Variants in AMOTL1 observed in about 807,000 individuals in gnomAD.
AMOTL1 encodes angiomotin like 1, also known as angiomotin-like protein 1.
AMOTL1 carries 45 observed loss-of-function variants against 102.9 expected under a neutral mutation model. The observed-to-expected ratio is 0.44, with a 90% CI of 0.34 to 0.56. The LOEUF (loss-of-function observed/expected upper bound fraction) is 0.56, where lower values mean the gene tolerates loss of function less well. AMOTL1 is among the 20% of genes least tolerant of loss of function. AMOTL1 has a pLI of 0.01. For synonymous variants in AMOTL1, 481 were observed against 484.7 expected, an observed-to-expected ratio of 0.99 and a Z score of 0.10; for missense variants, 1,114 against 1,225.6, an observed-to-expected ratio of 0.91 and a Z score of 1.36.
At chr11:94,857,007 G>A (rs1005488251) in intron 8 of AMOTL1, among the ~76,000 whole-genome samples, 1 of 152,158 alleles carries the variant, frequency 6.6e-6, no homozygotes, top group African/African-American at 2.4e-5. Flanking sequence ...CTGGTACGCT[G>A]AGGATGAGCA....
chr11:94,745,429 G>C (rs1012244045), intron 3 of AMOTL1, among the ~76,000 whole-genome samples: 2 of 151,864 alleles, frequency 1.3e-5, no homozygotes, highest in Non-Finnish European at 2.9e-5. Context: ...ATGGTTAAAA[G>C]GTATTTATTA....
In AMOTL1 at chr11:94,822,215, A is replaced by G. The variant is rs549567460; in HGVS notation, c.1413+394A>G. On this transcript the variant is annotated intron_variant, in intron 4 of 12. Transcript: ENST00000433060. Reference sequence around the variant, plus strand: ...ATAATCCCAGCACTTTGTGAGGCTGAGGCAGGTGGATCGCTTGAGCCTGGG... The same window carrying G: ...ATAATCCCAGCACTTTGTGAGGCTGGGGCAGGTGGATCGCTTGAGCCTGGG... Among the ~76,000 whole-genome samples, 183 of 152,284 alleles carry G rather than the reference A, an allele frequency of 1.2e-3. 1 individual carries two copies. Among genetic ancestry groups the G allele is most frequent in the African/African-American group, 4.2e-3 (175 of 41,578 alleles).
rs12287860 is a variant in AMOTL1, at chr11:94,710,990, C to T, written c.-51+4393C>T. On this transcript the variant is annotated intron_variant, in intron 1 of 4. Coordinates refer to the AMOTL1 transcript ENST00000299004. ...AGAAACTGAAGTTAGATGACTTCTA[C>T]GGGGATCCAAAGCCCAAGGTACTCC... 2.4e-3 allele frequency among the ~76,000 whole-genome samples: 368 copies of T among 152,234 alleles called. 1 individual carries two copies. The highest frequency in any genetic ancestry group is 8.3e-3 in the African/African-American group (346 of 41,534).
intron 3 of AMOTL1, among the ~76,000 whole-genome samples, chr11:94,817,837 A>G (rs901754374): frequency 6.6e-6 from 1 of 152,232 alleles, no homozygotes; most frequent in East Asian, 1.9e-4. Context: ...CGAGCAGAAC[A>G]TGACTTAATT....
rs181279155 is a variant in AMOTL1, at chr11:94,741,194, A to G, written c.136+206A>G. Among the ~76,000 whole-genome samples the G allele has an allele frequency of 2.3e-3, 350 of 151,808 alleles. 4 individuals carry two copies. The highest frequency in any genetic ancestry group is 8.2e-3 in the African/African-American group (339 of 41,384). Reference sequence around the variant, plus strand: ...TTCGGGGGTGGCAGGGCAAGTGTCCAATGAGCCGTGCGTGTGTGTGTGTGT... The same window carrying G: ...TTCGGGGGTGGCAGGGCAAGTGTCCGATGAGCCGTGCGTGTGTGTGTGTGT... On this transcript the variant is annotated intron_variant, in intron 3 of 4. Transcript: ENST00000299004.
At chr11:94,844,968 A>C (rs1197053643) in intron 6 of AMOTL1, among the ~76,000 whole-genome samples, 1 of 152,180 alleles carries the variant, frequency 6.6e-6, no homozygotes, top group Non-Finnish European at 1.5e-5. Context: ...AAGCCCTAGA[A>C]ATTAATTCCT....
At chr11:94,868,467 C>G (rs1161421919) in intron 11 of AMOTL1, among the ~76,000 whole-genome samples, 1 of 152,172 alleles carries the variant, frequency 6.6e-6, no homozygotes, top group African/African-American at 2.4e-5. Context: ...AGCATCCCCT[C>G]TTCCCCACCC....
At chr11:94,780,006 T>C (rs1951085645) in intron 1 of AMOTL1, among the ~76,000 whole-genome samples, 1 of 152,228 alleles carries the variant, frequency 6.6e-6, no homozygotes, top group Non-Finnish European at 1.5e-5. Flanking sequence ...GTTTTTCCTA[T>C]GTTGTCAGTG....
intron 2 of AMOTL1, among the ~76,000 whole-genome samples, chr11:94,729,990 T>G (rs2851584): frequency 0.86 from 130,647 of 152,038 alleles, 56,767 homozygotes; most frequent in Middle Eastern, 0.93. Context: ...CAAGACTGCT[T>G]CACACAATGA....
At position 94,830,048 on chromosome 11, in the gene AMOTL1, A is replaced by T; in HGVS notation, c.1414-2A>T. 6.3e-7 allele frequency: 1 copy of T among 1,588,532 alleles called. No individual in the cohort carries two copies. The highest frequency in any genetic ancestry group is 8.5e-7 in the Non-Finnish European group (1 of 1,170,552). On this transcript the variant is annotated splice_acceptor_variant, in intron 4 of 12. Transcript: ENST00000433060. LOFTEE classifies it high-confidence loss of function. ...CACTTTAATGCCAGTTCTTTCTTTT[A>T]GTTTGAAAAAGAACTTCAGAGAATT...
intron 8 of AMOTL1, among the ~76,000 whole-genome samples, chr11:94,855,364 G>T (rs1952640949): frequency 6.6e-6 from 1 of 152,192 alleles, no homozygotes; most frequent in Non-Finnish European, 1.5e-5. Flanking sequence ...CGTAAGAAAA[G>T]GCAGGTCTGT....
At chr11:94,707,920 A>T (rs1949956798) in intron 1 of AMOTL1, among the ~76,000 whole-genome samples, 1 of 152,190 alleles carries the variant, frequency 6.6e-6, no homozygotes, top group Admixed American at 6.5e-5. Flanking sequence ...TTTTCTAGGA[A>T]TACAGAAACC....
intron 3 of AMOTL1, among the ~76,000 whole-genome samples, chr11:94,805,311 T>C (rs1951550045): frequency 6.6e-6 from 1 of 152,210 alleles, no homozygotes; most frequent in South Asian, 2.1e-4. Context: ...GATACCTCTT[T>C]TTCTTCAGAT....
chr11:94,805,371 G>A (rs2135584279), intron 3 of AMOTL1, among the ~76,000 whole-genome samples: 1 of 152,322 alleles, frequency 6.6e-6, no homozygotes, highest in East Asian at 1.9e-4. Context: ...ACAGCTGTGG[G>A]TGTGGGCTTT....
Position 94,800,371 on chromosome 11 carries a change from G to A in AMOTL1, c.1121+60G>A, listed in dbSNP as rs1591979380. On this transcript the variant is annotated intron_variant, in intron 3 of 12. Transcript: ENST00000433060. The stretch of plus-strand genomic sequence containing the variant: ...TCAAAATTCAATAGTCATGTTATTA[G>A]CATTTATTATTTTCAGAGCAGATTA... 2.7e-6 allele frequency: 4 copies of A among 1,479,792 alleles called. No individual in the cohort carries two copies. In the South Asian group the frequency reaches 4.0e-5, roughly 15 times the overall value. 91.7% of individuals were successfully genotyped at this position (1,479,792 alleles called of 1,614,324 possible).
intron 10 of AMOTL1, among the ~76,000 whole-genome samples, chr11:94,865,095 C>T (rs561623464): frequency 5.9e-5 from 9 of 152,078 alleles, no homozygotes; most frequent in African/African-American, 1.7e-4. Flanking sequence ...TGTCACCTGC[C>T]GGTTTTAAGA....
intron 3 of AMOTL1, among the ~76,000 whole-genome samples, chr11:94,820,048 T>C (rs766786447): frequency 9.9e-5 from 15 of 152,196 alleles, no homozygotes; most frequent in Non-Finnish European, 2.1e-4. Context: ...GTTAGACTCT[T>C]GAGCTCTAGA....
intron 2 of AMOTL1, chr11:94,797,052 T>C (rs1172651290): frequency 3.5e-5 from 34 of 982,066 alleles, no homozygotes; most frequent in Non-Finnish European, 4.1e-5. Context: ...TCTATCTGGA[T>C]GACTCATATT....
chr11:94,757,819 T>C (rs539227979), intron 3 of AMOTL1, among the ~76,000 whole-genome samples: 24 of 152,200 alleles, frequency 1.6e-4, no homozygotes, highest in Middle Eastern at 3.2e-3. Context: ...CCCAGCACTT[T>C]GGTAGGCTGA....
Sources: gnomAD v4.1 joint callset for allele counts (sites outside exome capture counted in the v4.1 genomes callset) on GRCh38, gnomAD v4.1.1 for gene constraint, MANE v1.5 for transcripts, NCBI Gene and HGNC (gene_info 2026-07-23, HGNC 2026-07-21) for gene names.